MITF: variants seen among roughly 807,000 people sequenced by gnomAD.
MITF encodes melanocyte inducing transcription factor, also known as microphthalmia-associated transcription factor.
MITF carries 17 observed loss-of-function variants against 60.5 expected under a neutral mutation model. That is an observed-to-expected ratio of 0.28 (90% CI 0.19 to 0.42). MITF has a LOEUF of 0.42. MITF is among the 10% of genes least tolerant of loss of function. MITF has a pLI of 1.00. For missense variants in MITF, 622 were observed against 683.5 expected, an observed-to-expected ratio of 0.91 and a Z score of 1.00; for synonymous variants, 260 against 248.5, an observed-to-expected ratio of 1.05 and a Z score of -0.43.
At chr3:69,892,235 T>A (rs1286455635) in intron 2 of MITF, among the ~76,000 whole-genome samples, 1 of 152,230 alleles carries the variant, frequency 6.6e-6, no homozygotes, top group African/African-American at 2.4e-5. Context: ...CTTGAAATAT[T>A]TGACTTTTAA....
chr3:69,965,104 C>T lies in MITF; in HGVS notation c.1437C>T (p.Ser479=), dbSNP rs1418110544. ...ATAGTGTCCCCACAAAAATGGGATC[C>T]AAACTGGAAGACATCCTGATGGACG... ...QAYSVPTKMG[S]KLEDILMDDT... Residue 479 remains serine, a synonymous_variant, in exon 10 of 10, where the codon TCC becomes TCT. Coordinates refer to ENST00000352241, the MANE Select transcript of MITF (RefSeq NM_001354604.2). 1.9e-6 allele frequency: 3 copies of T among 1,613,990 alleles called. No homozygotes were observed. The highest frequency in any genetic ancestry group is 1.3e-5 in the African/African-American group (1 of 74,922).
At chr3:69,752,460 A>C (rs1703971998) in intron 1 of MITF, 2 of 152,218 alleles carry the variant, frequency 1.3e-5, no homozygotes, top group Admixed American at 6.5e-5. Context: ...TGGGAACTGG[A>C]ATAAAGGTCA....
rs1425262191 is a variant in MITF at position 69,965,160 on chromosome 3, C to T, written c.1493C>T (p.Pro498Leu). 17 of 1,613,956 alleles carry T rather than the reference C, an allele frequency of 1.1e-5. No individual in the cohort carries two copies. In the Middle Eastern group the frequency reaches 5.0e-4, roughly 47 times the overall value. ...CTTTCTCCCGTCGGTGTCACTGATCCACTCCTTTCCTCAGTGTCCCCCGGA... is the reference window on the plus strand; with the variant it reads ...CTTTCTCCCGTCGGTGTCACTGATCTACTCCTTTCCTCAGTGTCCCCCGGA... ...DTLSPVGVTD[P>L]LLSSVSPGAS... Residue 498 changes from proline to leucine, a missense_variant, in exon 10 of 10, where the codon CCA (proline) becomes CTA (leucine). By Grantham distance (98) the Pro-to-Leu change is moderately conservative. Coordinates refer to ENST00000352241, the MANE Select transcript of MITF (RefSeq NM_001354604.2).
At chr3:69,794,721 A>G (rs1053383401) in intron 1 of MITF, among the ~76,000 whole-genome samples, 16 of 152,228 alleles carry the variant, frequency 1.1e-4, no homozygotes, top group Non-Finnish European at 2.1e-4. Flanking sequence ...AAGAATTAGG[A>G]CATTTCCAGC....
At chr3:69,774,555 A>G (rs1464858426) in intron 1 of MITF, among the ~76,000 whole-genome samples, 1 of 152,094 alleles carries the variant, frequency 6.6e-6, no homozygotes, top group South Asian at 2.1e-4. Flanking sequence ...TAGTCATTTT[A>G]TCCACTGACG....
At chr3:69,807,889 A>G (rs961983990) in intron 1 of MITF, among the ~76,000 whole-genome samples, 13 of 152,016 alleles carry the variant, frequency 8.6e-5, no homozygotes, top group Middle Eastern at 3.2e-3. Context: ...TGTATATTTG[A>G]TGACTCTGTT....
At chr3:69,746,300 T>C (rs1259090881) in intron 1 of MITF, among the ~76,000 whole-genome samples, 3 of 152,146 alleles carry the variant, frequency 2.0e-5, no homozygotes, top group African/African-American at 7.2e-5. Flanking sequence ...GAAAATATCC[T>C]TTTTTTAGAA....
intron 1 of MITF, among the ~76,000 whole-genome samples, chr3:69,847,994 T>C (rs2063760771): frequency 6.6e-6 from 1 of 152,266 alleles, no homozygotes; most frequent in Non-Finnish European, 1.5e-5. Flanking sequence ...CTCCTTCTTT[T>C]CTATTTCATG....
chr3:69,875,485 C>A (rs2064332885), intron 1 of MITF, among the ~76,000 whole-genome samples: 1 of 152,106 alleles, frequency 6.6e-6, no homozygotes, highest in South Asian at 2.1e-4. Flanking sequence ...GAATAAATGA[C>A]CTTTACATAA....
At position 69,939,186 on chromosome 3, in the gene MITF, T is replaced by C. The variant is rs374067688; in HGVS notation, c.666+5T>C. 4.0e-5 allele frequency: 64 copies of C among 1,613,148 alleles called. No individual in the cohort carries two copies. Among genetic ancestry groups the C allele is most frequent in the Admixed American group, 6.7e-5 (4 of 59,978 alleles). On this transcript the variant is annotated splice_donor_5th_base_variant and intron_variant, in intron 4 of 9. Transcript: ENST00000352241. ...TCACGAGCGTCCTGTATGCAGGTAC[T>C]GAATGACTTGGCAGCCTGAGGATGA...
intron 1 of MITF, among the ~76,000 whole-genome samples, chr3:69,796,740 T>G (rs2062837855): frequency 2.0e-5 from 3 of 150,112 alleles, no homozygotes; most frequent in Admixed American, 1.3e-4. Context: ...TCTCCTGACC[T>G]CATGATCCAC....
intron 2 of MITF, among the ~76,000 whole-genome samples, chr3:69,915,906 T>C (rs1433862423): frequency 2.0e-5 from 3 of 152,166 alleles, no homozygotes; most frequent in Non-Finnish European, 4.4e-5. Context: ...GGATCCTCAG[T>C]CACATGTTCA....
At chr3:69,956,714 C>G (rs2066407932) in intron 8 of MITF, among the ~76,000 whole-genome samples, 184 bp downstream of exon 8, 1 of 152,144 alleles carries the variant, frequency 6.6e-6, no homozygotes, top group Non-Finnish European at 1.5e-5. Flanking sequence ...AATTTCAAGA[C>G]AAAAGCATTG....
intron 2 of MITF, among the ~76,000 whole-genome samples, chr3:69,930,612 C>T (rs940564636): frequency 6.6e-6 from 1 of 152,156 alleles, no homozygotes; most frequent in Non-Finnish European, 1.5e-5. Flanking sequence ...GGTGCTCAAG[C>T]AATATTTGTT....
chr3:69,938,774 A>T (rs2065902816), intron 3 of MITF: 1 of 1,337,726 alleles, frequency 7.5e-7, no homozygotes, highest in Non-Finnish European at 9.6e-7. Flanking sequence ...TCTCAATGGG[A>T]TTTACCGTAC....
intron 1 of MITF, among the ~76,000 whole-genome samples, chr3:69,808,339 G>T (rs1250933868): frequency 6.6e-6 from 1 of 151,982 alleles, no homozygotes; most frequent in Non-Finnish European, 1.5e-5. Flanking sequence ...GTACTCTAGG[G>T]CAGCAGGTAT....
At chr3:69,927,270 C>T (rs548818628) in intron 2 of MITF, among the ~76,000 whole-genome samples, 9 of 152,128 alleles carry the variant, frequency 5.9e-5, no homozygotes, top group Admixed American at 6.5e-5. Context: ...AACACAGTAA[C>T]GGAAAACCAA....
At chr3:69,792,086 C>G (rs930542101) in intron 1 of MITF, among the ~76,000 whole-genome samples, 3 of 152,186 alleles carry the variant, frequency 2.0e-5, no homozygotes, top group African/African-American at 7.2e-5. Context: ...AGCACAGTTG[C>G]TGCCTCTGTT....
At chr3:69,744,747 T>C (rs1297445667) in intron 1 of MITF, among the ~76,000 whole-genome samples, 1 of 152,256 alleles carries the variant, frequency 6.6e-6, no homozygotes, top group Non-Finnish European at 1.5e-5. Context: ...GTTCTTTGAA[T>C]GTTAGTAAAT....
Sources: allele counts gnomAD v4.1 joint callset (sites outside exome capture counted in the v4.1 genomes callset), GRCh38; gene constraint gnomAD v4.1.1; transcripts MANE v1.5; gene names NCBI Gene and HGNC (gene_info 2026-07-23, HGNC 2026-07-21).